The following DIP2C variants were observed in gnomAD, a reference collection of about 807,000 sequenced individuals.
DIP2C encodes the protein DIP2 acetate--CoA ligase C (putative).
Under a neutral mutation model 192.4 loss-of-function variants are expected in DIP2C, and 33 were observed. The ratio of observed to expected loss-of-function variants is 0.17; its 90% CI spans 0.13 to 0.23. DIP2C has a LOEUF of 0.23. Among genes scored for constraint, DIP2C ranks in the 10% least tolerant of loss-of-function variants. The probability of loss-of-function intolerance (pLI) is 1.00; values close to 1 mark genes in which losing one functional copy is unlikely to be tolerated. For missense variants in DIP2C, 1,537 were observed against 2,110.1 expected (o/e 0.73, Z 5.32); for synonymous variants, 979 against 864.1 (o/e 1.13, Z -2.33).
intron 2 of DIP2C, among the ~76,000 whole-genome samples, chr10:484,624 G>C (rs1420067529): frequency 1.3e-5 from 2 of 152,252 alleles, no homozygotes; most frequent in Admixed American, 1.3e-4. Flanking sequence ...TCTCTGGCGA[G>C]CTCTGGGCCT....
chr10:604,020 A>AC (rs1022402587), intron 1 of DIP2C, among the ~76,000 whole-genome samples: 3 of 28,968 alleles, frequency 1.0e-4, no homozygotes, highest in South Asian at 1.1e-3. Flanking sequence ...ACACCACCCC[A>AC]CCCCCCAGCC....
At chr10:483,869 C>T (rs187513338) in intron 2 of DIP2C, among the ~76,000 whole-genome samples, 1 of 152,020 alleles carries the variant, frequency 6.6e-6, no homozygotes, top group African/African-American at 2.4e-5. Flanking sequence ...CAGGCTGGAA[C>T]ACAGTGCCAC....
intron 32 of DIP2C, among the ~76,000 whole-genome samples, chr10:290,289 G>C (rs1324763797): frequency 6.6e-6 from 1 of 152,248 alleles, no homozygotes; most frequent in Non-Finnish European, 1.5e-5. Context: ...CGATAGGCTT[G>C]ATGACGCTAA....
At chr10:590,039 G>T (rs1239675305) in intron 1 of DIP2C, among the ~76,000 whole-genome samples, 1 of 152,202 alleles carries the variant, frequency 6.6e-6, no homozygotes, top group Non-Finnish European at 1.5e-5. Flanking sequence ...AGAAAGGTAG[G>T]AGTGGTTTCC....
intron 35 of DIP2C, among the ~76,000 whole-genome samples, chr10:282,369 A>G (rs141161413): frequency 2.5e-3 from 385 of 152,312 alleles, no homozygotes; most frequent in Non-Finnish European, 5.0e-3. Flanking sequence ...ATAATTTCCC[A>G]CAATGCAAAT....
At chr10:414,213 T>C in intron 7 of DIP2C, 103 bp from the exon 8 acceptor site, 1 of 1,305,132 alleles carries the variant, frequency 7.7e-7, no homozygotes, top group Non-Finnish European at 1.0e-6. Flanking sequence ...ACTTAAGCTG[T>C]ACATTTATTA....
chr10:477,773 A>G (rs1255930223), intron 2 of DIP2C, among the ~76,000 whole-genome samples: 1 of 142,052 alleles, frequency 7.0e-6, no homozygotes, highest in South Asian at 2.5e-4. Context: ...AGAAAAAGGA[A>G]AAGAAGGAGA....
chr10:451,068 C>T (rs149436555), intron 3 of DIP2C, among the ~76,000 whole-genome samples: 229 of 152,310 alleles, frequency 1.5e-3, no homozygotes, highest in African/African-American at 5.0e-3. Flanking sequence ...TCTGCAGCAC[C>T]GGGCTGTGCT....
At chr10:595,430 AAGTG>A (rs773325740) in intron 1 of DIP2C, among the ~76,000 whole-genome samples, 1 of 152,192 alleles carries the variant, frequency 6.6e-6, no homozygotes, top group African/African-American at 2.4e-5. Context: ...CATGAAGAAA[AAGTG>A]AGTATCTCAA....
intron 17 of DIP2C, among the ~76,000 whole-genome samples, chr10:374,232 G>A (rs72772853): frequency 0.028 from 4,295 of 152,260 alleles, 82 homozygotes; most frequent in Non-Finnish European, 0.046. Flanking sequence ...AGCTGGAAAT[G>A]TATCTGTAAT....
intron 3 of DIP2C, among the ~76,000 whole-genome samples, chr10:464,428 A>G (rs1970046515): frequency 6.6e-6 from 1 of 152,220 alleles, no homozygotes; most frequent in South Asian, 2.1e-4. Flanking sequence ...AAAAATGCAA[A>G]TCAAAACCAC....
chr10:510,442 G>A (rs985582718), intron 1 of DIP2C, among the ~76,000 whole-genome samples: 1 of 152,198 alleles, frequency 6.6e-6, no homozygotes, highest in Non-Finnish European at 1.5e-5. Flanking sequence ...TCAGCTGCAG[G>A]TGCACTGCCG....
chr10:396,931 G>A (rs549416674), intron 10 of DIP2C, among the ~76,000 whole-genome samples: 29 of 152,250 alleles, frequency 1.9e-4, no homozygotes, highest in African/African-American at 7.0e-4. Context: ...AGCATACTCA[G>A]GAGGCCAAGC....
At chr10:603,774 T>A (rs1852264791) in intron 1 of DIP2C, among the ~76,000 whole-genome samples, 3 of 152,144 alleles carry the variant, frequency 2.0e-5, no homozygotes, top group African/African-American at 7.2e-5. Flanking sequence ...GCAGACCTCC[T>A]CTCACAGCCC....
intron 5 of DIP2C, among the ~76,000 whole-genome samples, chr10:420,533 G>A (rs72772882): frequency 0.023 from 3,558 of 152,308 alleles, 72 homozygotes; most frequent in Admixed American, 0.051. Flanking sequence ...AGCGGACTTG[G>A]ATGGTAGCGT....
At chr10:496,137 C>A (rs925726414) in intron 1 of DIP2C, among the ~76,000 whole-genome samples, 1 of 137,610 alleles carries the variant, frequency 7.3e-6, no homozygotes, top group African/African-American at 2.7e-5. Flanking sequence ...CTCTCAATAC[C>A]CCAAACAACG....
chr10:602,134 A>G (rs1489649666), intron 1 of DIP2C, among the ~76,000 whole-genome samples: 1 of 152,146 alleles, frequency 6.6e-6, no homozygotes. Context: ...TTCAGGACTC[A>G]GGCAACGTTC....
chr10:398,296 C>T (rs1175151337), intron 10 of DIP2C, among the ~76,000 whole-genome samples: 2 of 152,174 alleles, frequency 1.3e-5, no homozygotes, highest in Non-Finnish European at 2.9e-5. Flanking sequence ...CCTTGGTCTC[C>T]ACAACCCCGA....
intron 10 of DIP2C, among the ~76,000 whole-genome samples, chr10:391,703 T>G (rs551638687): frequency 6.6e-6 from 1 of 152,182 alleles, no homozygotes; most frequent in Non-Finnish European, 1.5e-5. Flanking sequence ...AAATGCCACA[T>G]TGTAGTGAGC....
Sources: gnomAD v4.1 joint callset for allele counts (sites outside exome capture counted in the v4.1 genomes callset) on GRCh38, gnomAD v4.1.1 for gene constraint, MANE v1.5 for transcripts, NCBI Gene and HGNC (gene_info 2026-07-23, HGNC 2026-07-21) for gene names.